The following UGT1A3 variants were observed in gnomAD, a reference collection of about 807,000 sequenced individuals.
UGT1A3 encodes the protein UDP glucuronosyltransferase family 1 member A3, also known as UDP-glucuronosyltransferase 1A3.
UGT1A3 carries 31 observed loss-of-function variants against 41.0 expected under a neutral mutation model. The observed-to-expected ratio is 0.76, with a 90% CI of 0.57 to 1.02. The LOEUF is 1.02. Ranked by LOEUF, UGT1A3 falls within the 50% of genes least tolerant of loss-of-function variation. The probability of loss-of-function intolerance (pLI) is 0.00; values close to 1 mark genes in which losing one functional copy is unlikely to be tolerated. For missense variants in UGT1A3, 737 were observed against 671.0 expected (o/e 1.10, Z -1.09); for synonymous variants, 262 against 257.6 (o/e 1.02, Z -0.17).
chr2:233,760,219 C>T (rs2125980617), intron 1 of UGT1A3: 1 of 1,593,340 alleles, frequency 6.3e-7, no homozygotes, highest in Non-Finnish European at 8.5e-7. Flanking sequence ...CTTGGTGTAT[C>T]GATTGGTTTT....
intron 1 of UGT1A3, among the ~76,000 whole-genome samples, chr2:233,739,592 T>C (rs1481710171): frequency 2.0e-5 from 3 of 152,236 alleles, no homozygotes; most frequent in South Asian, 2.1e-4. Flanking sequence ...ATGGGGCCTA[T>C]AGCCCCTTTG....
intron 1 of UGT1A3, among the ~76,000 whole-genome samples, chr2:233,758,061 G>A (rs554813737): frequency 6.6e-6 from 1 of 152,232 alleles, no homozygotes; most frequent in Non-Finnish European, 1.5e-5. Context: ...TTTCTAACTT[G>A]ACTTTCTGGG....
At chr2:233,735,095 T>A (rs2078606910) in intron 1 of UGT1A3, among the ~76,000 whole-genome samples, 2 of 152,186 alleles carry the variant, frequency 1.3e-5, no homozygotes, top group South Asian at 4.1e-4. Context: ...TGTTGAACTG[T>A]CTAATATCGA....
At chr2:233,765,087 G>A (rs1381800370) in intron 1 of UGT1A3, among the ~76,000 whole-genome samples, 3 of 152,094 alleles carry the variant, frequency 2.0e-5, no homozygotes, top group African/African-American at 7.2e-5. Flanking sequence ...CACATCTAGG[G>A]TGACCAGCAT....
At chr2:233,747,651 G>C in intron 1 of UGT1A3, 1 of 1,588,730 alleles carries the variant, frequency 6.3e-7, no homozygotes, top group Non-Finnish European at 8.6e-7. Flanking sequence ...TACTTCCTTC[G>C]ATGTGGTTTT....
chr2:233,731,684 T>C (rs2078191188), intron 1 of UGT1A3, among the ~76,000 whole-genome samples: 1 of 152,270 alleles, frequency 6.6e-6, no homozygotes, highest in Non-Finnish European at 1.5e-5. Flanking sequence ...CAGTCTATCA[T>C]TGATGGACAT....
intron 1 of UGT1A3, among the ~76,000 whole-genome samples, chr2:233,742,480 C>T (rs1691993513): frequency 6.6e-6 from 1 of 151,918 alleles, no homozygotes; most frequent in Non-Finnish European, 1.5e-5. Flanking sequence ...AACTCACAAC[C>T]TTCAGCATAG....
chr2:233,743,851 C>A lies in UGT1A3; in HGVS notation c.867+13858C>A, dbSNP rs375874968. The A allele has an allele frequency of 4.4e-6, 6 of 1,367,244 alleles. No individual in the cohort carries two copies. The Admixed American group carries it at 1.1e-4, about 26-fold the overall frequency. The allele number at this position is 1,367,244 out of a possible 1,614,324, so 84.7% of individuals were successfully genotyped here. A position where few individuals can be genotyped will look rare whatever the true frequency, so the allele number is the denominator to read the frequency against. ...GCCACTTGAGCGCCAGCTTGCGGTA[C>A]GCCTTCTTGATGGCCTCGGATGAGG... is the stretch of plus-strand genomic sequence containing the variant. On this transcript the variant is annotated intron_variant, in intron 1 of 4. Transcript: ENST00000482026.
At chr2:233,745,498 TCC>T (rs1294393562) in intron 1 of UGT1A3, among the ~76,000 whole-genome samples, 2 of 151,620 alleles carry the variant, frequency 1.3e-5, no homozygotes, top group Non-Finnish European at 2.9e-5. Flanking sequence ...TTCTAAGATT[TCC>T]TATAGGGTAT....
intron 1 of UGT1A3, among the ~76,000 whole-genome samples, chr2:233,766,038 C>T (rs1161510573): frequency 6.6e-6 from 1 of 152,144 alleles, no homozygotes; most frequent in African/African-American, 2.4e-5. Context: ...CCTCTATAGT[C>T]AGCTTGTGTT....
intron 1 of UGT1A3, among the ~76,000 whole-genome samples, chr2:233,735,339 T>TG (rs1286077352): frequency 6.6e-6 from 1 of 151,862 alleles, no homozygotes; most frequent in African/African-American, 2.4e-5. Flanking sequence ...AACCCCTGCT[T>TG]TTTTTTTGCT....
chr2:233,767,119 A>C lies in UGT1A3; in HGVS notation c.953A>C (p.Lys318Thr). 6.2e-7 allele frequency: 1 copy of C among 1,614,168 alleles called. No individual in the cohort carries two copies. Among genetic ancestry groups the C allele is most frequent in the Non-Finnish European group, 8.5e-7 (1 of 1,180,014 alleles). The change falls in exon 2 of 5, where the codon AAG (lysine) becomes ACG (threonine). Residue 318 changes from lysine (K) to threonine (T), a missense_variant. Physicochemically the swap from Lys to Thr is moderately conservative, Grantham distance 78. Coordinates refer to ENST00000482026, the MANE Select transcript of UGT1A3 (RefSeq NM_019093.4). ...TCAATGGTCTCAGAAATTCCAGAGA[A>C]GAAAGCTATGGCAATTGCTGATGCT... ...LGSMVSEIPE[K>T]KAMAIADALG...
rs138794928 is a variant in UGT1A3, at chr2:233,747,227, C to T, written c.867+17234C>T. 1.0e-2 allele frequency: 16,041 copies of T among 1,605,006 alleles called. 99 individuals are homozygous for T. The highest frequency in any genetic ancestry group is 0.012 in the Non-Finnish European group (14,233 of 1,175,294). On this transcript the variant is annotated intron_variant, in intron 1 of 4. Transcript: ENST00000482026. ...TCTTCTGCTGAGATGGCCACAGGACCCCAGGTTCCCCTGCTGTGGCTGGCC... is the reference window on the plus strand; with the variant it reads ...TCTTCTGCTGAGATGGCCACAGGACTCCAGGTTCCCCTGCTGTGGCTGGCC...
chr2:233,755,063 G>C (rs776771090), intron 1 of UGT1A3: 3 of 1,334,898 alleles, frequency 2.2e-6, no homozygotes, highest in Non-Finnish European at 3.0e-6. Context: ...CCCTCGCCTC[G>C]CCATAGCGGT....
intron 1 of UGT1A3, among the ~76,000 whole-genome samples, chr2:233,737,586 G>T (rs1642090076): frequency 6.6e-6 from 1 of 152,172 alleles, no homozygotes; most frequent in African/African-American, 2.4e-5. Flanking sequence ...CAGTCCCAAT[G>T]AGATGAACCA....
chr2:233,741,913 G>T (rs539186110), intron 1 of UGT1A3: 3 of 151,962 alleles, frequency 2.0e-5, no homozygotes, highest in African/African-American at 4.9e-5. Flanking sequence ...GATGGAAAAG[G>T]TCTTCATTTG....
In UGT1A3 at chr2:233,772,840, C is replaced by G. The variant is rs1271510565; in HGVS notation, c.*281C>G. 15 of 833,784 alleles carry G rather than the reference C, an allele frequency of 1.8e-5. No homozygotes were observed. The highest frequency in any genetic ancestry group is 3.3e-5 in the Admixed American group (1 of 29,978). The allele number at this position is 833,784 out of a possible 1,614,324, so 51.6% of individuals were successfully genotyped here. A position where few individuals can be genotyped will look rare whatever the true frequency, so the allele number is the denominator to read the frequency against. On this transcript the variant is annotated 3_prime_UTR_variant, in exon 5 of 5. Transcript: ENST00000482026. ...GCAGACAGGCTGGCATTCTAGATTACTTTTCTTACTCTGAAACATGGCCTG... is the reference window on the plus strand; with the variant it reads ...GCAGACAGGCTGGCATTCTAGATTAGTTTTCTTACTCTGAAACATGGCCTG...
At chr2:233,730,084 A>G (rs962499834) in intron 1 of UGT1A3, 91 bp downstream of exon 1, 3 of 1,600,988 alleles carry the variant, frequency 1.9e-6, no homozygotes, top group African/African-American at 2.7e-5. Context: ...ATATTTACTT[A>G]TCTTTCCAAA....
At position 233,767,890 on chromosome 2, in the gene UGT1A3, G is replaced by A. The variant is rs770433443; in HGVS notation, c.1041G>A (p.Ala347=). The A allele has an allele frequency of 2.3e-5, 37 of 1,613,976 alleles. 1 individual carries two copies. The highest frequency in any genetic ancestry group is 1.6e-4 in the Middle Eastern group (1 of 6,082). The part of the protein sequence containing the change: ...RYTGTRPSNL[A]NNTILVKWLP... ...CTGGAACCCGACCATCGAATCTTGC[G>A]AACAACACGATACTTGTTAAGTGGC... is the stretch of plus-strand genomic sequence containing the variant. The change falls in exon 3 of 5, where the codon GCG becomes GCA. Residue 347 remains alanine (A), a synonymous_variant. Transcript: ENST00000482026.
Sources: allele counts gnomAD v4.1 joint callset (sites outside exome capture counted in the v4.1 genomes callset), GRCh38; gene constraint gnomAD v4.1.1; transcripts MANE v1.5; gene names NCBI Gene and HGNC (gene_info 2026-07-23, HGNC 2026-07-21).